CCT3: variants seen among roughly 807,000 people sequenced by gnomAD.
CCT3 encodes the protein chaperonin containing TCP1 subunit 3, also known as T-complex protein 1 subunit gamma.
A neutral mutation model predicts 65.3 loss-of-function variants in CCT3; 10 were observed. That is an observed-to-expected ratio of 0.15 (90% confidence interval 0.09 to 0.26). The LOEUF is 0.26. CCT3 is among the 10% of genes least tolerant of loss of function. The probability of loss-of-function intolerance (pLI) is 1.00; values close to 1 mark genes in which losing one functional copy is unlikely to be tolerated. For missense variants in CCT3, 626 were observed against 708.7 expected, an observed-to-expected ratio of 0.88 and a Z score of 1.33; for synonymous variants, 225 against 242.3, an observed-to-expected ratio of 0.93 and a Z score of 0.66.
chr1:156,331,478 T>C (rs1191687079), intron 5 of CCT3, among the ~76,000 whole-genome samples: 2 of 151,698 alleles, frequency 1.3e-5, no homozygotes, highest in Non-Finnish European at 2.9e-5. Context: ...AGCTCAGGAG[T>C]TCGAGATCAG....
chr1:156,310,755 T>C, intron 12 of CCT3, 66 bp from the exon 13 acceptor site: 1 of 1,566,598 alleles, frequency 6.4e-7, no homozygotes, highest in Admixed American at 1.7e-5. Context: ...AGAAATGAAG[T>C]AAAAAACAAT....
intron 10 of CCT3, among the ~76,000 whole-genome samples, chr1:156,315,790 AC>A (rs762509140): frequency 2.0e-5 from 3 of 152,182 alleles, no homozygotes; most frequent in African/African-American, 7.2e-5. Context: ...TTCAAAATAT[AC>A]TTTGTGGTTA....
chr1:156,328,983 TAC>T (rs1296548236), intron 5 of CCT3, among the ~76,000 whole-genome samples: 4 of 152,108 alleles, frequency 2.6e-5, no homozygotes, highest in African/African-American at 9.7e-5. Context: ...AATCAAAAAA[TAC>T]AGTCACGTAC....
rs371052819 is a variant in CCT3 at position 156,320,725 on chromosome 1, T to G, written c.609+114A>C. The G allele has an allele frequency of 5.2e-5, 42 of 806,058 alleles. 1 individual carries two copies. In the African/African-American group the frequency reaches 6.3e-4, roughly 12 times the overall value. The allele number at this position is 806,058 out of a possible 1,614,324, so 49.9% of individuals were successfully genotyped here. ...TCCAGCCTAGGCAACAAGGTGAGAC[T>G]CTGTCTCAAAAACAAAACAAAACAA... is the stretch of plus-strand genomic sequence containing the variant. On this transcript the variant is annotated intron_variant, in intron 7 of 13. Transcript: ENST00000295688.
chr1:156,318,833 G>C (rs369308502), intron 8 of CCT3, 35 bp downstream of exon 8: 7 of 1,591,514 alleles, frequency 4.4e-6, no homozygotes, highest in African/African-American at 4.1e-5. Flanking sequence ...TCAGATTCTT[G>C]CATCTACTTT....
chr1:156,313,637 A>G (rs1475011636), intron 10 of CCT3, among the ~76,000 whole-genome samples: 2 of 152,204 alleles, frequency 1.3e-5, no homozygotes, highest in African/African-American at 4.8e-5. Flanking sequence ...GTCAGGAAGT[A>G]CTTTTCCAGA....
intron 13 of CCT3, 26 bp from the exon 14 acceptor site, chr1:156,309,329 G>A (rs767007281): frequency 8.9e-6 from 13 of 1,460,284 alleles, no homozygotes; most frequent in Non-Finnish European, 1.2e-5. Flanking sequence ...CAGATGCAAA[G>A]AGGTCAGCAG....
intron 5 of CCT3, among the ~76,000 whole-genome samples, chr1:156,328,204 G>GC (rs1664938438): frequency 8.7e-6 from 1 of 115,322 alleles, no homozygotes; most frequent in African/African-American, 2.8e-5. Flanking sequence ...GAGGTGGGGG[G>GC]GGTCAGTCCC....
intron 5 of CCT3, among the ~76,000 whole-genome samples, chr1:156,328,397 G>A (rs145937533): frequency 0.23 from 34,430 of 151,032 alleles, 4,372 homozygotes; most frequent in Non-Finnish European, 0.29. Flanking sequence ...TGACAATGGC[G>A]GTTTTGTGGA....
intron 5 of CCT3, among the ~76,000 whole-genome samples, chr1:156,331,688 CATAAATAA>C (rs569261761): frequency 9.3e-5 from 14 of 150,516 alleles, no homozygotes; most frequent in African/African-American, 2.9e-4. Flanking sequence ...GTCTCAAAAA[CATAAATAA>C]ATAAATAAAT....
chr1:156,317,496 C>G lies in CCT3; in HGVS notation c.811G>C (p.Glu271Gln). The G allele has an allele frequency of 6.2e-7, 1 of 1,613,924 alleles. No homozygotes were observed. The highest frequency in any genetic ancestry group is 8.5e-7 in the Non-Finnish European group (1 of 1,179,834). ...EEDFTRILQM[E>Q]EEYIQQLCED... ...CAGAGCTGCTGGATGTACTCTTCCTCCATCTGGAGAATTCGGGTGAAGTCC... is the reference window on the plus strand; with the variant it reads ...CAGAGCTGCTGGATGTACTCTTCCTGCATCTGGAGAATTCGGGTGAAGTCC... Residue 271 changes from glutamate to glutamine, a missense_variant, in exon 9 of 14, where the codon GAG becomes CAG. Coordinates refer to ENST00000295688, the MANE Select transcript of CCT3 (RefSeq NM_005998.5).
chr1:156,328,358 C>T (rs150941534), intron 5 of CCT3, among the ~76,000 whole-genome samples: 1,636 of 152,206 alleles, frequency 0.011, 12 homozygotes, highest in Middle Eastern at 0.058. Context: ...GGGAGGTCTA[C>T]CCAACAGCTC....
chr1:156,322,115 C>G (rs770078917), intron 6 of CCT3, among the ~76,000 whole-genome samples: 1 of 152,144 alleles, frequency 6.6e-6, no homozygotes, highest in Non-Finnish European at 1.5e-5. Flanking sequence ...GGTGGACATA[C>G]CTATAGTCCT....
At chr1:156,312,269 T>TA (rs1558263991) in intron 10 of CCT3, 48 bp from the exon 11 acceptor site, 1 of 1,570,016 alleles carries the variant, frequency 6.4e-7, no homozygotes, top group African/African-American at 1.4e-5. Context: ...CAGATACTTG[T>TA]ACCCATTTCC....
At position 156,310,646 on chromosome 1, in the gene CCT3, C is replaced by A. The variant is rs749579352; in HGVS notation, c.1445G>T (p.Gly482Val). Residue 482 changes from glycine (G) to valine (V), a missense_variant, in exon 13 of 14, where the codon GGT becomes GTT. Transcript: ENST00000295688. ...CATGTCCACCAAAGTACCCGTCTCA[C>A]CATTTACACCCCAGGTCTCACAGTT... ...QENCETWGVN[G>V]ETGTLVDMKE... is the part of the protein sequence containing the mutation. 6.2e-7 allele frequency: 1 copy of A among 1,614,076 alleles called. No homozygotes were observed. Among genetic ancestry groups the A allele is most frequent in the Non-Finnish European group, 8.5e-7 (1 of 1,179,956 alleles).
chr1:156,317,294 T>C (rs1031610580), intron 9 of CCT3, 47 bp from the exon 10 acceptor site: 1 of 1,607,406 alleles, frequency 6.2e-7, no homozygotes, highest in African/African-American at 1.3e-5. Flanking sequence ...TGAACTGGTT[T>C]TATAATCAAA....
chr1:156,330,907 G>C, intron 5 of CCT3, among the ~76,000 whole-genome samples: 1 of 151,284 alleles, frequency 6.6e-6, no homozygotes, highest in Non-Finnish European at 1.5e-5. Flanking sequence ...CTGTCTCAAA[G>C]ATAAATAAAT....
chr1:156,317,348 G>C, intron 9 of CCT3, 67 bp downstream of exon 9: 1 of 1,597,352 alleles, frequency 6.3e-7, no homozygotes, highest in Non-Finnish European at 8.6e-7. Flanking sequence ...CAAACATGAG[G>C]GGAGAAAACA....
intron 5 of CCT3, chr1:156,333,090 T>G (rs1415823256): frequency 5.2e-6 from 1 of 193,384 alleles, no homozygotes; most frequent in African/African-American, 2.4e-5. Context: ...GGTTAAGAGA[T>G]CGAGACCATC....
Sources: gnomAD v4.1 joint callset for allele counts (sites outside exome capture counted in the v4.1 genomes callset) on GRCh38, gnomAD v4.1.1 for gene constraint, MANE v1.5 for transcripts, NCBI Gene and HGNC (gene_info 2026-07-23, HGNC 2026-07-21) for gene names.